Variants in EMSY observed in about 807,000 individuals in gnomAD.
EMSY encodes the protein BRCA2-interacting transcriptional repressor EMSY.
In EMSY, 26 loss-of-function variants were observed where a neutral mutation model predicts 134.6. That is an observed-to-expected ratio of 0.19 (90% CI 0.14 to 0.27). EMSY has a LOEUF of 0.27. Ranked by LOEUF, EMSY falls within the 10% of genes least tolerant of loss-of-function variation. The pLI, the probability that EMSY is intolerant of heterozygous loss-of-function variation, is 1.00. For synonymous variants in EMSY, 579 were observed against 577.8 expected (o/e 1.00, Z -0.03); for missense variants, 1,305 against 1,611.4 (o/e 0.81, Z 3.26).
chr11:76,537,145 A>G (rs2136564810), intron 15 of EMSY, among the ~76,000 whole-genome samples: 1 of 152,248 alleles, frequency 6.6e-6, no homozygotes, highest in South Asian at 2.1e-4. Flanking sequence ...AGAGGTGGGG[A>G]CTTTGAACGC....
Position 76,454,803 on chromosome 11 carries a change from G to A in EMSY, c.245+1415G>A. On this transcript the variant is annotated intron_variant, in intron 4 of 20. Coordinates refer to ENST00000334736, the Ensembl canonical transcript of EMSY. ...GACCAAGTTACAGGTATGCAAATAG[G>A]TTATTATTATTTCAGGCTTTTTCTT... 6.9e-7 allele frequency: 1 copy of A among 1,439,168 alleles called. No homozygotes were observed. The highest frequency in any genetic ancestry group is 9.3e-7 in the Non-Finnish European group (1 of 1,071,564). The allele number at this position is 1,439,168 out of a possible 1,614,324, so 89.1% of individuals were successfully genotyped here.
intron 1 of EMSY, 22 bp from the exon 2 acceptor site, chr11:76,446,878 C>CTTTT: frequency 8.6e-7 from 1 of 1,168,326 alleles, no homozygotes; most frequent in Non-Finnish European, 1.2e-6. Flanking sequence ...GGTAATTTGA[C>CTTTT]TTTTTTTTTT....
chr11:76,523,719 T>TTTTTC, intron 12 of EMSY, among the ~76,000 whole-genome samples: 1 of 147,872 alleles, frequency 6.8e-6, no homozygotes, highest in Non-Finnish European at 1.5e-5. Context: ...TTTTTTTTTT[T>TTTTTC]TTTTTTCATT....
At chr11:76,472,781 T>C in exon 8 of EMSY, 2 of 1,613,978 alleles carry the variant, frequency 1.2e-6, no homozygotes, top group Non-Finnish European at 1.7e-6. Context: ...CCTAATACAG[T>C]TGCAGTAACA....
At chr11:76,450,022 A>C (rs1230836286) in intron 2 of EMSY, among the ~76,000 whole-genome samples, 7 of 149,288 alleles carry the variant, frequency 4.7e-5, no homozygotes, top group Admixed American at 1.3e-4. Context: ...ATATGAAACT[A>C]TCTGTTCTTT....
intron 9 of EMSY, among the ~76,000 whole-genome samples, chr11:76,507,138 G>A (rs1245880405): frequency 6.6e-6 from 1 of 152,146 alleles, no homozygotes; most frequent in Non-Finnish European, 1.5e-5. Context: ...TCTAAAAAAT[G>A]TACATACCTT....
chr11:76,514,724 T>C (rs1950388007), intron 10 of EMSY, among the ~76,000 whole-genome samples: 1 of 152,196 alleles, frequency 6.6e-6, no homozygotes, highest in Non-Finnish European at 1.5e-5. Flanking sequence ...ACTGAAACTC[T>C]GTGTTCATTC....
chr11:76,499,911 C>A (rs1398163020), intron 9 of EMSY, among the ~76,000 whole-genome samples: 1 of 151,412 alleles, frequency 6.6e-6, no homozygotes, highest in African/African-American at 2.4e-5. Context: ...ATTTTTTGGT[C>A]TCTACAAAAA....
At chr11:76,538,257 T>G (rs199819528) in intron 16 of EMSY, among the ~76,000 whole-genome samples, 1 of 149,178 alleles carries the variant, frequency 6.7e-6, no homozygotes, top group Non-Finnish European at 1.5e-5. Flanking sequence ...TTGTTTGTTT[T>G]TTGTTTGTTT....
chr11:76,501,348 C>G (rs1419600898), intron 9 of EMSY, among the ~76,000 whole-genome samples: 1 of 151,972 alleles, frequency 6.6e-6, no homozygotes, highest in East Asian at 1.9e-4. Flanking sequence ...TAAGAGCAAC[C>G]AGATGTCAGA....
At chr11:76,515,620 C>T (rs1950425523) in intron 10 of EMSY, among the ~76,000 whole-genome samples, 1 of 152,006 alleles carries the variant, frequency 6.6e-6, no homozygotes, top group African/African-American at 2.4e-5. Flanking sequence ...AATAACCAAC[C>T]CTTTAAAGGT....
intron 8 of EMSY, among the ~76,000 whole-genome samples, chr11:76,489,115 C>G (rs1949309865): frequency 5.3e-5 from 8 of 152,200 alleles, no homozygotes. Flanking sequence ...ATGCCAATGC[C>G]TTGTGGATTC....
exon 18 of EMSY, chr11:76,542,331 A>T: frequency 6.2e-7 from 1 of 1,614,182 alleles, no homozygotes; most frequent in South Asian, 1.1e-5. Flanking sequence ...CCATCCCAGC[A>T]TCTTCCCCTG....
intron 9 of EMSY, among the ~76,000 whole-genome samples, chr11:76,510,413 C>T (rs957348958): frequency 2.0e-5 from 3 of 152,168 alleles, no homozygotes; most frequent in African/African-American, 7.2e-5. Context: ...TGATACAGAC[C>T]TTAGAAACTG....
At chr11:76,450,320 T>TA (rs537982376) in intron 2 of EMSY, among the ~76,000 whole-genome samples, 8 of 152,068 alleles carry the variant, frequency 5.3e-5, no homozygotes, top group Non-Finnish European at 1.0e-4. Context: ...CTGGGTCCGA[T>TA]AAAAGCTGAA....
chr11:76,449,937 C>T (rs1947584091), intron 2 of EMSY, among the ~76,000 whole-genome samples: 1 of 151,766 alleles, frequency 6.6e-6, no homozygotes, highest in African/African-American at 2.4e-5. Context: ...TATCCAAGTA[C>T]AGACATATTT....
intron 8 of EMSY, among the ~76,000 whole-genome samples, chr11:76,488,035 G>A (rs895156818): frequency 2.0e-5 from 3 of 152,046 alleles, no homozygotes; most frequent in Non-Finnish European, 4.4e-5. Context: ...TCTAAGGCTC[G>A]TGTTAAAAAC....
At chr11:76,537,814 T>G in exon 16 of EMSY, 3 of 1,601,458 alleles carry the variant, frequency 1.9e-6, no homozygotes, top group Non-Finnish European at 2.6e-6. Flanking sequence ...AATTGGAATC[T>G]AAACCAAGAC....
chr11:76,447,807 CTG>C (rs1190949785), intron 2 of EMSY, among the ~76,000 whole-genome samples: 2 of 152,146 alleles, frequency 1.3e-5, no homozygotes, highest in Non-Finnish European at 2.9e-5. Flanking sequence ...TTGAGAAATG[CTG>C]CCTTAGACTA....
Sources: allele counts gnomAD v4.1 joint callset (sites outside exome capture counted in the v4.1 genomes callset), GRCh38; gene constraint gnomAD v4.1.1; transcripts MANE v1.5; gene names NCBI Gene and HGNC (gene_info 2026-07-23, HGNC 2026-07-21).